PARP16: variants seen among roughly 807,000 people sequenced by gnomAD.
The protein encoded by PARP16 is protein mono-ADP-ribosyltransferase PARP16.
In PARP16, 31 loss-of-function variants were observed where a neutral mutation model predicts 35.0. That is an observed-to-expected ratio of 0.88 (90% CI 0.66 to 1.19). The LOEUF is 1.19. Ranked by LOEUF, PARP16 falls within the 50% of genes most tolerant of loss-of-function variation. The pLI is 0.00. For missense variants in PARP16, 424 were observed against 411.2 expected (o/e 1.03, Z -0.27); for synonymous variants, 162 against 169.5 (o/e 0.96, Z 0.34).
rs2089581407 is a variant in PARP16, at chr15:65,258,443, G to A, written c.*964C>T. Reference sequence around the variant, plus strand: ...GGGCAGGCCTCTGTCTTGAAGGCCAGTAGGCCACAGAAGACCTGAAAGCAT... The same window carrying A: ...GGGCAGGCCTCTGTCTTGAAGGCCAATAGGCCACAGAAGACCTGAAAGCAT... On this transcript the variant is annotated 3_prime_UTR_variant, in exon 6 of 6. Transcript: ENST00000649807. 1 of 152,250 alleles carries A rather than the reference G, an allele frequency of 6.6e-6. No individual in the cohort carries two copies. The highest frequency in any genetic ancestry group is 6.5e-5 in the Admixed American group (1 of 15,290). 9.4% of individuals were successfully genotyped at this position (152,250 alleles called of 1,614,324 possible).
chr15:65,247,774 A>G (rs2089247361), intron 3 of PARP16, among the ~76,000 whole-genome samples: 1 of 148,914 alleles, frequency 6.7e-6, no homozygotes, highest in Non-Finnish European at 1.5e-5. Context: ...TAACACACAC[A>G]GGCACTTAGA....
chr15:65,271,200 C>T, intron 1 of PARP16, 128 bp from the exon 2 acceptor site: 1 of 819,500 alleles, frequency 1.2e-6, no homozygotes, highest in Non-Finnish European at 2.0e-6. Flanking sequence ...AGGAAATTCA[C>T]AGGTCTACAA....
At chr15:65,285,268 G>A (rs1183422997) in intron 1 of PARP16, among the ~76,000 whole-genome samples, 1 of 151,874 alleles carries the variant, frequency 6.6e-6, no homozygotes, top group African/African-American at 2.4e-5. Context: ...TTCCAGAGTA[G>A]CTGGGATTAC....
downstream of PARP16, among the ~76,000 whole-genome samples, chr15:65,231,479 G>A (rs897272339): frequency 5.2e-5 from 7 of 134,846 alleles, no homozygotes; most frequent in South Asian, 4.6e-4. Flanking sequence ...TGAGAGTTTC[G>A]CTCTGAGTCA....
chr15:65,233,760 T>A (rs943798183), downstream of PARP16, among the ~76,000 whole-genome samples: 27 of 150,388 alleles, frequency 1.8e-4, 1 homozygote, highest in South Asian at 5.0e-3. Context: ...AAAAAAAAAA[T>A]TTAAATTGCA....
chr15:65,271,202 G>T, intron 1 of PARP16, 130 bp from the exon 2 acceptor site: 1 of 794,802 alleles, frequency 1.3e-6, no homozygotes, highest in South Asian at 1.6e-5. Context: ...GAAATTCACA[G>T]GTCTACAATC....
At chr15:65,280,833 C>A (rs1235584240) in intron 1 of PARP16, among the ~76,000 whole-genome samples, 1 of 152,308 alleles carries the variant, frequency 6.6e-6, no homozygotes, top group East Asian at 1.9e-4. Context: ...CTCCTTACTC[C>A]TCCAGGACCA....
chr15:65,280,729 G>C (rs2090396869), intron 1 of PARP16, among the ~76,000 whole-genome samples: 1 of 152,088 alleles, frequency 6.6e-6, no homozygotes, highest in Non-Finnish European at 1.5e-5. Flanking sequence ...ACAGAGAGGA[G>C]CTTATATGCG....
At chr15:65,243,305 G>A (rs2089127372) in intron 3 of PARP16, among the ~76,000 whole-genome samples, 1 of 152,084 alleles carries the variant, frequency 6.6e-6, no homozygotes, top group East Asian at 1.9e-4. Context: ...AGGCTGGAGT[G>A]CAGTGGCGCA....
chr15:65,260,800 G>A lies in PARP16; in HGVS notation c.833+85C>T. On this transcript the variant is annotated intron_variant, in intron 5 of 5. Coordinates refer to ENST00000649807, the MANE Select transcript of PARP16 (RefSeq NM_001316943.2). ...ACTTGACATCTAGCGGAGGTCTAAG[G>A]CTGGGGGAGGGGAGGCTGATACCTA... 3.2e-6 allele frequency: 4 copies of A among 1,262,916 alleles called. No individual in the cohort carries two copies. The South Asian group carries it at 5.1e-5, about 16-fold the overall frequency. The allele number at this position is 1,262,916 out of a possible 1,614,324, so 78.2% of individuals were successfully genotyped here. A position where few individuals can be genotyped will look rare whatever the true frequency, so the allele number is the denominator to read the frequency against.
At chr15:65,238,299 A>AC (rs2088946926) in intron 3 of PARP16, among the ~76,000 whole-genome samples, 1 of 152,128 alleles carries the variant, frequency 6.6e-6, no homozygotes, top group African/African-American at 2.4e-5. Flanking sequence ...AGAAAAAAAA[A>AC]CATTTATTTG....
chr15:65,231,230 C>T (rs2088775628), downstream of PARP16, among the ~76,000 whole-genome samples: 1 of 152,080 alleles, frequency 6.6e-6, no homozygotes, highest in Non-Finnish European at 1.5e-5. Flanking sequence ...GGTTCATTTG[C>T]TTTGTCTAGT....
At chr15:65,279,007 A>C (rs942808427) in intron 1 of PARP16, among the ~76,000 whole-genome samples, 3 of 152,188 alleles carry the variant, frequency 2.0e-5, no homozygotes, top group African/African-American at 7.2e-5. Context: ...CTACAGTATG[A>C]AAGGCCAGAT....
chr15:65,257,208 G>A (rs1388734248), downstream of PARP16, among the ~76,000 whole-genome samples: 1 of 152,174 alleles, frequency 6.6e-6, no homozygotes, highest in Non-Finnish European at 1.5e-5. Context: ...CTTGAGGTCA[G>A]GAGTTCATGA....
chr15:65,270,607 A>C (rs2090063234), intron 2 of PARP16, among the ~76,000 whole-genome samples: 1 of 152,202 alleles, frequency 6.6e-6, no homozygotes, highest in African/African-American at 2.4e-5. Flanking sequence ...AAATTCATTC[A>C]ATTCTCATAG....
chr15:65,246,180 C>T (rs1455028226), intron 3 of PARP16, among the ~76,000 whole-genome samples: 3 of 152,132 alleles, frequency 2.0e-5, no homozygotes, highest in Admixed American at 1.3e-4. Flanking sequence ...CCTGGCTGCA[C>T]CCTAAACCCC....
chr15:65,253,265 AC>A (rs2089408492), downstream of PARP16, among the ~76,000 whole-genome samples: 1 of 152,090 alleles, frequency 6.6e-6, no homozygotes, highest in Admixed American at 6.5e-5. Context: ...AATGTCCACA[AC>A]CTTCTTTGAA....
intron 3 of PARP16, 106 bp downstream of exon 3, chr15:65,266,456 T>C: frequency 1.1e-6 from 1 of 904,096 alleles, no homozygotes; most frequent in South Asian, 1.5e-5. Context: ...TTAGTAAACC[T>C]ACCCGACCCC....
chr15:65,274,975 G>C (rs2090203560), intron 1 of PARP16, among the ~76,000 whole-genome samples: 1 of 152,106 alleles, frequency 6.6e-6, no homozygotes, highest in Non-Finnish European at 1.5e-5. Flanking sequence ...AGTTAGATGG[G>C]CGTGGTGGCA....
Sources: allele counts gnomAD v4.1 joint callset (sites outside exome capture counted in the v4.1 genomes callset), GRCh38; gene constraint gnomAD v4.1.1; transcripts MANE v1.5; gene names NCBI Gene and HGNC (gene_info 2026-07-23, HGNC 2026-07-21).